CC2D2A: variants seen among roughly 807,000 people sequenced by gnomAD.
CC2D2A encodes coiled-coil and C2 domain containing 2A.
In CC2D2A, 155 loss-of-function variants were observed where a neutral mutation model predicts 212.9. The ratio of observed to expected loss-of-function variants is 0.73; its 90% CI spans 0.64 to 0.83. The LOEUF (loss-of-function observed/expected upper bound fraction) is 0.83. Among genes scored for constraint, CC2D2A ranks in the 40% least tolerant of loss-of-function variants. The pLI, the probability that CC2D2A is intolerant of heterozygous loss-of-function variation, is 0.00. For synonymous variants in CC2D2A, 667 were observed against 686.5 expected (o/e 0.97, Z 0.44); for missense variants, 1,856 against 1,956.2 (o/e 0.95, Z 0.97).
intron 8 of CC2D2A, chr4:15,511,773 C>T (rs1434430412): frequency 6.4e-6 from 1 of 156,542 alleles, no homozygotes; most frequent in African/African-American, 2.4e-5. Flanking sequence ...AAATCTTGGT[C>T]TCTCTCTTAC....
intron 3 of CC2D2A, chr4:15,479,381 A>G: frequency 7.5e-7 from 1 of 1,324,866 alleles, no homozygotes; most frequent in Non-Finnish European, 1.0e-6. Flanking sequence ...GGAAGCAGCT[A>G]TTGTGGATGG....
In CC2D2A at chr4:15,540,958, T is replaced by G. The variant is rs747516455; in HGVS notation, c.2125T>G (p.Phe709Val). The G allele has an allele frequency of 2.6e-6, 4 of 1,554,706 alleles. No homozygotes were observed. The highest frequency in any genetic ancestry group is 3.5e-6 in the Non-Finnish European group (4 of 1,148,866). The part of the protein sequence containing the change: ...RPLGADFRVH[F>V]GQIFNLQIVN... Reference sequence around the variant, plus strand: ...ACTAGGAGCAGACTTCCGAGTTCACTTTGGGCAGATTTTCAATTTGCAAAT... The same window carrying G: ...ACTAGGAGCAGACTTCCGAGTTCACGTTGGGCAGATTTTCAATTTGCAAAT... Residue 709 changes from phenylalanine (F) to valine (V), a missense_variant, in exon 17 of 37, where the codon TTT becomes GTT. This residue lies in a region of CC2D2A where 1,512 missense variants were observed against 1,579.3 expected (regional missense o/e 0.96). Coordinates refer to ENST00000424120, the MANE Select transcript of CC2D2A (RefSeq NM_001378615.1).
chr4:15,526,264 C>G (rs1230161076), intron 11 of CC2D2A, among the ~76,000 whole-genome samples: 1 of 136,004 alleles, frequency 7.4e-6, no homozygotes, highest in African/African-American at 2.5e-5. Flanking sequence ...GATATGATAC[C>G]TAGTGATCTA....
intron 16 of CC2D2A, 58 bp from the exon 17 acceptor site, chr4:15,540,779 T>G: frequency 6.9e-7 from 1 of 1,451,912 alleles, no homozygotes; most frequent in South Asian, 1.2e-5. Flanking sequence ...TTATCATATA[T>G]TTTGGTGATC....
At chr4:15,579,210 T>C (rs1260640388) in intron 29 of CC2D2A, among the ~76,000 whole-genome samples, 1 of 152,060 alleles carries the variant, frequency 6.6e-6, no homozygotes, top group Non-Finnish European at 1.5e-5. Flanking sequence ...ACGCCTGTAA[T>C]CCCATTGCTT....
intron 4 of CC2D2A, among the ~76,000 whole-genome samples, chr4:15,493,705 C>T (rs1037463869): frequency 2.0e-5 from 3 of 152,212 alleles, no homozygotes; most frequent in Admixed American, 2.0e-4. Flanking sequence ...CTATCTCCCC[C>T]ACTGGCATAC....
intron 32 of CC2D2A, 110 bp from the exon 33 acceptor site, chr4:15,589,435 A>C: frequency 2.1e-6 from 2 of 952,988 alleles, no homozygotes; most frequent in South Asian, 4.1e-5. Flanking sequence ...TAACCATGAA[A>C]TTTCAGAAAT....
chr4:15,571,178 G>A (rs1720147053), intron 28 of CC2D2A, among the ~76,000 whole-genome samples: 1 of 152,180 alleles, frequency 6.6e-6, no homozygotes, highest in East Asian at 1.9e-4. Flanking sequence ...ATGCCTGAAA[G>A]TAACTTGAAG....
chr4:15,528,555 G>A, intron 12 of CC2D2A, 65 bp from the exon 13 acceptor site: 1 of 1,348,424 alleles, frequency 7.4e-7, no homozygotes, highest in Non-Finnish European at 1.1e-6. Context: ...AAGTGGGTGG[G>A]TCCAGTTGCA....
At chr4:15,578,823 A>G (rs1228965871) in intron 29 of CC2D2A, among the ~76,000 whole-genome samples, 1 of 150,366 alleles carries the variant, frequency 6.7e-6, no homozygotes, top group African/African-American at 2.5e-5. Context: ...TTTGTTTTTA[A>G]TAGAGACAGG....
chr4:15,578,822 A>T (rs1033863664), intron 29 of CC2D2A, among the ~76,000 whole-genome samples: 9 of 149,360 alleles, frequency 6.0e-5, no homozygotes, highest in Non-Finnish European at 7.5e-5. Flanking sequence ...GTTTGTTTTT[A>T]ATAGAGACAG....
chr4:15,582,896 T>C (rs184616288), intron 30 of CC2D2A, among the ~76,000 whole-genome samples: 14 of 152,198 alleles, frequency 9.2e-5, no homozygotes, highest in African/African-American at 1.2e-4. Flanking sequence ...ACAATAAAAC[T>C]ACAGGCCTAT....
intron 29 of CC2D2A, among the ~76,000 whole-genome samples, chr4:15,577,897 T>G (rs1720481872): frequency 1.3e-5 from 2 of 152,230 alleles, no homozygotes; most frequent in South Asian, 4.1e-4. Context: ...TCTTCCATAC[T>G]CATTTATCCA....
intron 32 of CC2D2A, among the ~76,000 whole-genome samples, chr4:15,588,797 T>C (rs962184182): frequency 7.2e-5 from 11 of 152,132 alleles, no homozygotes; most frequent in African/African-American, 2.4e-4. Flanking sequence ...CTGGGTTTTA[T>C]AGAAAAGTGG....
At chr4:15,537,166 G>T in intron 15 of CC2D2A, 90 bp downstream of exon 15, 1 of 1,106,368 alleles carries the variant, frequency 9.0e-7, no homozygotes, top group South Asian at 1.8e-5. Flanking sequence ...AAACCAGACT[G>T]GCAGACTAGG....
chr4:15,475,684 A>G (rs1429809261), intron 1 of CC2D2A, among the ~76,000 whole-genome samples: 1 of 152,096 alleles, frequency 6.6e-6, no homozygotes, highest in Non-Finnish European at 1.5e-5. Flanking sequence ...ATCCAACTCT[A>G]TGGGCACAGT....
intron 30 of CC2D2A, among the ~76,000 whole-genome samples, chr4:15,583,950 C>CAAAAA (rs990441363): frequency 3.6e-5 from 3 of 83,644 alleles, no homozygotes; most frequent in African/African-American, 9.0e-5. Context: ...GACTCCATCT[C>CAAAAA]AAAAAAAAAA....
At chr4:15,565,051 C>A (rs1468903652) in intron 24 of CC2D2A, among the ~76,000 whole-genome samples, 5 of 152,220 alleles carry the variant, frequency 3.3e-5, no homozygotes, top group African/African-American at 1.2e-4. Context: ...CATCTACAAT[C>A]ATCAACTATT....
chr4:15,533,762 A>T (rs1287595088), intron 14 of CC2D2A, among the ~76,000 whole-genome samples: 1 of 152,198 alleles, frequency 6.6e-6, no homozygotes, highest in African/African-American at 2.4e-5. Flanking sequence ...ACAATACTTC[A>T]TTATATGAAT....
Sources: allele counts gnomAD v4.1 joint callset (sites outside exome capture counted in the v4.1 genomes callset), GRCh38; gene constraint gnomAD v4.1.1; regional missense constraint gnomAD v4.1.1; transcripts MANE v1.5; gene names NCBI Gene and HGNC (gene_info 2026-07-23, HGNC 2026-07-21).